The following NCAM2 variants were observed in gnomAD, a reference collection of about 807,000 sequenced individuals.
The protein encoded by NCAM2 is neural cell adhesion molecule 2.
NCAM2 carries 30 observed loss-of-function variants against 98.1 expected under a neutral mutation model. That is an observed-to-expected ratio of 0.31 (90% CI 0.23 to 0.41). The LOEUF is 0.41. NCAM2 is among the 10% of genes least tolerant of loss of function. The pLI, the probability that NCAM2 is intolerant of heterozygous loss-of-function variation, is 1.00. For missense variants in NCAM2, 867 were observed against 1,005.8 expected (o/e 0.86, Z 1.87); for synonymous variants, 368 against 342.4 (o/e 1.07, Z -0.83).
chr21:21,085,248 C>T (rs2065885524), intron 1 of NCAM2, among the ~76,000 whole-genome samples: 1 of 151,080 alleles, frequency 6.6e-6, no homozygotes, highest in African/African-American at 2.4e-5. Flanking sequence ...AATTTAACTT[C>T]CTTCAAAAAG....
Position 21,461,962 on chromosome 21 carries a change from A to G in NCAM2, c.1655-4644A>G, listed in dbSNP as rs1219464366. Among the ~76,000 whole-genome samples, 6 of 152,148 alleles carry G rather than the reference A, an allele frequency of 3.9e-5. No individual in the cohort carries two copies. In the East Asian group the frequency reaches 1.2e-3, roughly 29 times the overall value. On this transcript the variant is annotated intron_variant, in intron 12 of 17. Coordinates refer to ENST00000400546, the MANE Select transcript of NCAM2 (RefSeq NM_004540.5). The stretch of plus-strand genomic sequence containing the variant: ...GTGTGTATAGAAACAGTAAAAAATT[A>G]TTTTTATTTTGCCTGTTGCTAACTC...
intron 1 of NCAM2, among the ~76,000 whole-genome samples, chr21:21,080,211 T>C (rs1380581520): frequency 6.6e-6 from 1 of 152,166 alleles, no homozygotes; most frequent in Non-Finnish European, 1.5e-5. Context: ...ATTGTATACA[T>C]TAAACTTGTG....
chr21:21,289,306 C>G (rs577816351), intron 4 of NCAM2, among the ~76,000 whole-genome samples: 20 of 151,762 alleles, frequency 1.3e-4, no homozygotes, highest in Non-Finnish European at 2.9e-4. Flanking sequence ...AAGTTCACTG[C>G]CTTCAAAATA....
intron 10 of NCAM2, among the ~76,000 whole-genome samples, chr21:21,414,931 G>A (rs1389727990): frequency 6.9e-6 from 1 of 144,278 alleles, no homozygotes; most frequent in Non-Finnish European, 1.5e-5. Flanking sequence ...CAATGAGCAC[G>A]ACTAGTTTGA....
chr21:21,014,464 G>A (rs1783774614), intron 1 of NCAM2, among the ~76,000 whole-genome samples: 1 of 151,430 alleles, frequency 6.6e-6, no homozygotes. Context: ...TATTCTGACT[G>A]TGCTCTACAA....
intron 9 of NCAM2, among the ~76,000 whole-genome samples, chr21:21,389,068 A>T (rs796111755): frequency 3.9e-4 from 60 of 152,332 alleles, no homozygotes; most frequent in African/African-American, 1.4e-3. Flanking sequence ...CTTTGTGTTG[A>T]GAACTGTACG....
intron 1 of NCAM2, among the ~76,000 whole-genome samples, chr21:21,228,917 T>G (rs1236583113): frequency 6.6e-6 from 1 of 151,562 alleles, no homozygotes; most frequent in Non-Finnish European, 1.5e-5. Flanking sequence ...TTTCTTTATG[T>G]TTGCATTTAA....
chr21:21,010,316 T>TA (rs1322593914), intron 1 of NCAM2, among the ~76,000 whole-genome samples: 1 of 152,060 alleles, frequency 6.6e-6, no homozygotes, highest in Non-Finnish European at 1.5e-5. Context: ...TTCAATGGCT[T>TA]ATGAAGGCCT....
rs1282801942 is a variant in NCAM2 at position 21,262,440 on chromosome 21, A to C, written c.56-18138A>C. On this transcript the variant is annotated intron_variant, in intron 1 of 17. Transcript: ENST00000400546. The stretch of plus-strand genomic sequence containing the variant: ...AAACTACAGGCTAATATCCCTGATG[A>C]ATATAGATGCAAAAATATTCAACAA... Among the ~76,000 whole-genome samples the C allele has an allele frequency of 2.0e-5, 3 of 152,136 alleles. No individual in the cohort carries two copies. The South Asian group carries it at 6.2e-4, about 32-fold the overall frequency.
chr21:21,341,702 A>G (rs1414813528), intron 8 of NCAM2, among the ~76,000 whole-genome samples: 1 of 124,296 alleles, frequency 8.0e-6, no homozygotes, highest in Non-Finnish European at 1.7e-5. Flanking sequence ...CTCAATTAAC[A>G]ATATTCTTTT....
At chr21:21,127,489 T>C (rs2066850999) in intron 1 of NCAM2, among the ~76,000 whole-genome samples, 1 of 152,104 alleles carries the variant, frequency 6.6e-6, no homozygotes, top group Non-Finnish European at 1.5e-5. Context: ...TCTAGCTGTT[T>C]TGAAATCTAC....
At chr21:21,041,535 G>C (rs141539435) in intron 1 of NCAM2, among the ~76,000 whole-genome samples, 27 of 152,306 alleles carry the variant, frequency 1.8e-4, no homozygotes, top group African/African-American at 5.5e-4. Flanking sequence ...GTGCTTCTCA[G>C]CTTCCTTATC....
At position 21,477,288 on chromosome 21, in the gene NCAM2, C is replaced by T; in HGVS notation, c.1897-3C>T. On this transcript the variant is annotated splice_polypyrimidine_tract_variant and splice_region_variant and intron_variant, in intron 14 of 17. Coordinates refer to ENST00000400546, the MANE Select transcript of NCAM2 (RefSeq NM_004540.5). ...ACAAACTGCATTTTTATTGCTTTCA[C>T]AGAAAGATAAGGAAGACCAATGGCT... The T allele has an allele frequency of 6.4e-7, 1 of 1,562,428 alleles. No homozygotes were observed. Among genetic ancestry groups the T allele is most frequent in the Non-Finnish European group, 8.7e-7 (1 of 1,153,386 alleles).
intron 3 of NCAM2, among the ~76,000 whole-genome samples, chr21:21,284,797 G>T (rs976703760): frequency 1.3e-5 from 2 of 151,202 alleles, no homozygotes; most frequent in African/African-American, 2.4e-5. Flanking sequence ...TGAGAATCTG[G>T]GGAAGGGTCA....
chr21:21,324,683 G>T lies in NCAM2; in HGVS notation c.737+183G>T, dbSNP rs2074466900. On this transcript the variant is annotated intron_variant, in intron 6 of 17. Transcript: ENST00000400546. ...TTAAACTGCTAAAGAGATCAACAGTGTGACCCCGCTCTAATATTCTGAGTC... is the reference window on the plus strand; with the variant it reads ...TTAAACTGCTAAAGAGATCAACAGTTTGACCCCGCTCTAATATTCTGAGTC... 1.3e-5 allele frequency among the ~76,000 whole-genome samples: 2 copies of T among 152,066 alleles called. 1 individual carries two copies. The highest frequency in any genetic ancestry group is 4.1e-4 in the South Asian group (2 of 4,834).
At chr21:21,400,031 G>T (rs889751136) in intron 9 of NCAM2, among the ~76,000 whole-genome samples, 1 of 152,152 alleles carries the variant, frequency 6.6e-6, no homozygotes, top group African/African-American at 2.4e-5. Context: ...CAGGGAGGGG[G>T]CATTTATCAA....
chr21:21,361,895 A>G (rs2075655618), intron 8 of NCAM2, among the ~76,000 whole-genome samples: 1 of 152,088 alleles, frequency 6.6e-6, no homozygotes, highest in Non-Finnish European at 1.5e-5. Flanking sequence ...CTAGAAATAC[A>G]TTTTTTAACT....
intron 1 of NCAM2, among the ~76,000 whole-genome samples, chr21:21,196,819 G>A (rs576993321): frequency 1.3e-5 from 2 of 152,292 alleles, no homozygotes; most frequent in South Asian, 2.1e-4. Context: ...TTGGAGGTGG[G>A]GCCTGGTGGC....
chr21:21,397,898 C>A (rs1337613672), intron 9 of NCAM2, among the ~76,000 whole-genome samples: 5 of 152,230 alleles, frequency 3.3e-5, no homozygotes, highest in Non-Finnish European at 4.4e-5. Context: ...CCTTAAAGAA[C>A]TAAAAGTAGA....
Sources: gnomAD v4.1 joint callset for allele counts (sites outside exome capture counted in the v4.1 genomes callset) on GRCh38, gnomAD v4.1.1 for gene constraint, MANE v1.5 for transcripts, NCBI Gene and HGNC (gene_info 2026-07-23, HGNC 2026-07-21) for gene names.